Variants in KCNB2 observed in about 807,000 individuals in gnomAD.
KCNB2 encodes the protein delayed rectifier potassium channel protein.
Under a neutral mutation model 61.5 loss-of-function variants are expected in KCNB2, and 15 were observed. The observed-to-expected ratio is 0.24, with a 90% CI of 0.16 to 0.38. The LOEUF (loss-of-function observed/expected upper bound fraction) is 0.38. KCNB2 is among the 10% of genes least tolerant of loss of function. KCNB2 has a pLI of 1.00. For synonymous variants in KCNB2, 457 were observed against 446.0 expected (o/e 1.02, Z -0.31); for missense variants, 828 against 1,125.2 (o/e 0.74, Z 3.78).
chr8:72,785,063 C>T (rs374081469), intron 2 of KCNB2, among the ~76,000 whole-genome samples: 1 of 152,090 alleles, frequency 6.6e-6, no homozygotes. Flanking sequence ...TCTAATGTCT[C>T]AATTTAAATT....
chr8:72,681,228 A>T (rs1806745051), intron 2 of KCNB2, among the ~76,000 whole-genome samples: 2 of 152,220 alleles, frequency 1.3e-5, no homozygotes, highest in South Asian at 2.1e-4. Context: ...ACAAAAAATT[A>T]AAAATTTTAA....
chr8:72,660,526 A>C (rs1056057821), intron 2 of KCNB2: 1 of 152,196 alleles, frequency 6.6e-6, no homozygotes, highest in Admixed American at 6.5e-5. Flanking sequence ...CATCAGAGAC[A>C]TAAGTATGCC....
chr8:72,631,207 T>C (rs1236997231), intron 2 of KCNB2, among the ~76,000 whole-genome samples: 3 of 152,142 alleles, frequency 2.0e-5, no homozygotes, highest in Non-Finnish European at 4.4e-5. Flanking sequence ...CCACAGCAAG[T>C]GAAACTGCGG....
intron 2 of KCNB2, among the ~76,000 whole-genome samples, chr8:72,932,648 G>T (rs949386709): frequency 1.3e-5 from 2 of 152,144 alleles, no homozygotes; most frequent in Admixed American, 6.5e-5. Flanking sequence ...TTATATAAGG[G>T]CATTGGCTTT....
intron 2 of KCNB2, among the ~76,000 whole-genome samples, chr8:72,770,565 TGGTGTTTGTCACTTACC>T (rs1808541230): frequency 6.6e-6 from 1 of 152,230 alleles, no homozygotes. Flanking sequence ...AATTTAAACT[TGGTGTTTGTCACTTACC>T]GGCTATATAA....
At chr8:72,539,199 G>A (rs1806157121) in intron 1 of KCNB2, among the ~76,000 whole-genome samples, 2 of 152,134 alleles carry the variant, frequency 1.3e-5, no homozygotes, top group Non-Finnish European at 2.9e-5. Flanking sequence ...AAACAGTTTA[G>A]TAATTTGGCA....
At chr8:72,695,043 T>C (rs1242212269) in intron 2 of KCNB2, among the ~76,000 whole-genome samples, 1 of 152,054 alleles carries the variant, frequency 6.6e-6, no homozygotes, top group Non-Finnish European at 1.5e-5. Flanking sequence ...TAAAACTTCA[T>C]CATTATATGC....
intron 2 of KCNB2, among the ~76,000 whole-genome samples, chr8:72,809,166 A>C (rs1809268067): frequency 6.6e-6 from 1 of 152,160 alleles, no homozygotes; most frequent in South Asian, 2.1e-4. Flanking sequence ...CTTTAGATCT[A>C]GTAAGGTACT....
chr8:72,656,341 T>C (rs1806291426), intron 2 of KCNB2, among the ~76,000 whole-genome samples: 1 of 152,292 alleles, frequency 6.6e-6, no homozygotes, highest in African/African-American at 2.4e-5. Context: ...AGAAGTAAGA[T>C]ATTTAATATG....
intron 2 of KCNB2, among the ~76,000 whole-genome samples, chr8:72,778,409 A>G (rs967328477): frequency 2.0e-5 from 3 of 152,058 alleles, no homozygotes; most frequent in Non-Finnish European, 4.4e-5. Flanking sequence ...GAATATTAAA[A>G]GGTGGCTCAA....
chr8:72,609,669 A>G (rs1288688825), intron 2 of KCNB2, among the ~76,000 whole-genome samples: 1 of 152,224 alleles, frequency 6.6e-6, no homozygotes, highest in African/African-American at 2.4e-5. Flanking sequence ...CAAGGAAGAA[A>G]TATTTAATAT....
chr8:72,838,470 C>T (rs541919405), intron 2 of KCNB2, among the ~76,000 whole-genome samples: 29 of 152,298 alleles, frequency 1.9e-4, no homozygotes, highest in Admixed American at 6.5e-4. Flanking sequence ...CATAGTATTC[C>T]ATGGTATATA....
At chr8:72,666,503 T>A (rs1806475225) in intron 2 of KCNB2, among the ~76,000 whole-genome samples, 1 of 152,170 alleles carries the variant, frequency 6.6e-6, no homozygotes, top group Non-Finnish European at 1.5e-5. Flanking sequence ...CTATCTTGAT[T>A]TTGTAAAGAA....
intron 2 of KCNB2, among the ~76,000 whole-genome samples, chr8:72,772,394 T>C (rs1319965015): frequency 6.6e-6 from 1 of 152,216 alleles, no homozygotes; most frequent in Non-Finnish European, 1.5e-5. Context: ...CTCCAATTGG[T>C]TAAATCAGTC....
intron 2 of KCNB2, among the ~76,000 whole-genome samples, chr8:72,700,589 A>G (rs1807103941): frequency 6.6e-6 from 1 of 152,160 alleles, no homozygotes; most frequent in Non-Finnish European, 1.5e-5. Flanking sequence ...AAAATGACAA[A>G]TGCTGGCAAG....
intron 2 of KCNB2, among the ~76,000 whole-genome samples, chr8:72,672,632 CTCT>C (rs1290782726): frequency 6.6e-6 from 1 of 150,844 alleles, no homozygotes; most frequent in Non-Finnish European, 1.5e-5. Context: ...AACAAAAGAG[CTCT>C]TTTTTTTTTA....
At chr8:72,902,988 A>G (rs547537798) in intron 2 of KCNB2, among the ~76,000 whole-genome samples, 4 of 152,332 alleles carry the variant, frequency 2.6e-5, no homozygotes, top group Middle Eastern at 6.8e-3. Context: ...TTCAGAAATA[A>G]GGGTGGTTCT....
At chr8:72,841,102 A>G (rs538441621) in intron 2 of KCNB2, among the ~76,000 whole-genome samples, 1 of 152,260 alleles carries the variant, frequency 6.6e-6, no homozygotes, top group East Asian at 1.9e-4. Flanking sequence ...GAAAGGGTCT[A>G]GCTTCTGTTT....
intron 2 of KCNB2, among the ~76,000 whole-genome samples, chr8:72,851,105 T>C (rs1810096610): frequency 2.9e-4 from 2 of 6,928 alleles, no homozygotes; most frequent in South Asian, 8.8e-3. Flanking sequence ...CTAAAGCTAA[T>C]GCAGCAAAGT....
Sources: allele counts gnomAD v4.1 joint callset (sites outside exome capture counted in the v4.1 genomes callset), GRCh38; gene constraint gnomAD v4.1.1; transcripts MANE v1.5; gene names NCBI Gene and HGNC (gene_info 2026-07-23, HGNC 2026-07-21).